TBCK: variants seen among roughly 807,000 people sequenced by gnomAD.
TBCK encodes the protein TBC domain-containing protein kinase-like protein.
Under a neutral mutation model 113.4 loss-of-function variants are expected in TBCK, and 99 were observed. The observed-to-expected ratio is 0.87, with a 90% CI of 0.74 to 1.03. The LOEUF is 1.03. TBCK is among the 50% of genes least tolerant of loss of function. The pLI is 0.00. For synonymous variants in TBCK, 369 were observed against 370.8 expected (o/e 1.00, Z 0.05); for missense variants, 1,045 against 1,061.3 (o/e 0.98, Z 0.21).
At chr4:106,253,843 C>T (rs748964015) in intron 5 of TBCK, among the ~76,000 whole-genome samples, 2 of 152,144 alleles carry the variant, frequency 1.3e-5, no homozygotes, top group Non-Finnish European at 1.5e-5. Flanking sequence ...GAAGGACTTA[C>T]AAGACTTAGC....
In TBCK at chr4:106,233,045, C is replaced by T. The variant is rs869320711; in HGVS notation, c.1532G>A (p.Arg511His). The T allele has an allele frequency of 6.2e-7, 1 of 1,610,944 alleles. No individual in the cohort carries two copies. The highest frequency in any genetic ancestry group is 1.1e-5 in the South Asian group (1 of 90,828). The change falls in exon 17 of 26, where the codon CGC becomes CAC. Residue 511 changes from arginine to histidine, a missense_variant. By Grantham distance (29) the Arg-to-His change is conservative. Coordinates refer to ENST00000394708, the MANE Select transcript of TBCK (RefSeq NM_001163435.3). The part of the protein sequence containing the change: ...TDRQIEVDIP[R>H]CHQYDELLSS... Reference sequence around the variant, plus strand: ...TAACAGTTCATCGTACTGATGACAGCGAGGAATATCCACTTCAATCTGTTA... The same window carrying T: ...TAACAGTTCATCGTACTGATGACAGTGAGGAATATCCACTTCAATCTGTTA...
intron 25 of TBCK, among the ~76,000 whole-genome samples, chr4:106,095,071 C>A (rs1740751400): frequency 6.6e-6 from 1 of 152,162 alleles, no homozygotes; most frequent in African/African-American, 2.4e-5. Flanking sequence ...AGTTGACATT[C>A]TCCCTGAATT....
chr4:106,279,033 T>C (rs187890361), intron 3 of TBCK, among the ~76,000 whole-genome samples: 35 of 152,290 alleles, frequency 2.3e-4, no homozygotes, highest in African/African-American at 8.4e-4. Context: ...TTTCTGCTCT[T>C]CAGATAATTC....
chr4:106,076,463 T>C (rs752263240), intron 25 of TBCK, among the ~76,000 whole-genome samples: 6 of 152,110 alleles, frequency 3.9e-5, no homozygotes, highest in Non-Finnish European at 8.8e-5. Context: ...CAAAATAATA[T>C]AGACACTATG....
chr4:106,189,678 C>G (rs1164871327), intron 22 of TBCK, among the ~76,000 whole-genome samples: 1 of 151,896 alleles, frequency 6.6e-6, no homozygotes, highest in Non-Finnish European at 1.5e-5. Context: ...ATATTAATAT[C>G]AATTATAGCA....
At chr4:106,054,448 A>G (rs1345407301) in intron 25 of TBCK, among the ~76,000 whole-genome samples, 1 of 151,632 alleles carries the variant, frequency 6.6e-6, no homozygotes, top group Non-Finnish European at 1.5e-5. Flanking sequence ...AGCTCCACTA[A>G]TCACTCTACA....
At position 106,086,266 on chromosome 4, in the gene TBCK, C is replaced by T. The variant is rs145446441; in HGVS notation, c.2571+9216G>A. Among the ~76,000 whole-genome samples the T allele has an allele frequency of 4.4e-3, 666 of 152,098 alleles. 7 individuals are homozygous for T. Among genetic ancestry groups the T allele is most frequent in the African/African-American group, 0.015 (635 of 41,502 alleles). On this transcript the variant is annotated intron_variant, in intron 25 of 25. Transcript: ENST00000394708. ...AAACAGGATATAACCATTGATGCCA[C>T]GGAAATACAAACTACCATCAGAGAA... is the stretch of plus-strand genomic sequence containing the variant.
Position 106,044,972 on chromosome 4 carries a change from A to G in TBCK, c.*1598T>C, listed in dbSNP as rs1734086556. The G allele has an allele frequency of 6.6e-6, 1 of 152,226 alleles. No homozygotes were observed. Among genetic ancestry groups the G allele is most frequent in the Admixed American group, 6.5e-5 (1 of 15,290 alleles). 9.4% of individuals were successfully genotyped at this position (152,226 alleles called of 1,614,324 possible). On this transcript the variant is annotated 3_prime_UTR_variant, in exon 26 of 26. Coordinates refer to ENST00000394708, the MANE Select transcript of TBCK (RefSeq NM_001163435.3). Reference sequence around the variant, plus strand: ...AATGAACACTTTTTAGTTAAAACAAAATTGAAGATAATTAAAGGATATGCT... The same window carrying G: ...AATGAACACTTTTTAGTTAAAACAAGATTGAAGATAATTAAAGGATATGCT...
At chr4:106,196,760 T>A (rs1344480183) in intron 20 of TBCK, among the ~76,000 whole-genome samples, 1 of 152,096 alleles carries the variant, frequency 6.6e-6, no homozygotes, top group East Asian at 1.9e-4. Context: ...AATTAAAAAA[T>A]AAAGTCAGCA....
At chr4:106,312,575 T>C (rs1768318519) in intron 1 of TBCK, among the ~76,000 whole-genome samples, 1 of 152,110 alleles carries the variant, frequency 6.6e-6, no homozygotes, top group East Asian at 1.9e-4. Flanking sequence ...ATCCCTAACT[T>C]ATGACTCAGA....
chr4:106,154,408 T>G (rs939135287), intron 23 of TBCK, among the ~76,000 whole-genome samples: 1 of 152,158 alleles, frequency 6.6e-6, no homozygotes, highest in Non-Finnish European at 1.5e-5. Flanking sequence ...CTTAAAGTAC[T>G]GTCAATGTCT....
chr4:106,204,372 G>A (rs1328227748), intron 20 of TBCK, among the ~76,000 whole-genome samples: 1 of 152,150 alleles, frequency 6.6e-6, no homozygotes, highest in Non-Finnish European at 1.5e-5. Context: ...CACAGGCCCT[G>A]GCGGTCCTTA....
chr4:106,112,489 A>G (rs935912356), intron 24 of TBCK, among the ~76,000 whole-genome samples: 5 of 152,072 alleles, frequency 3.3e-5, no homozygotes, highest in Non-Finnish European at 5.9e-5. Context: ...TAATTCCCTC[A>G]CTTGTTCTGG....
intron 24 of TBCK, among the ~76,000 whole-genome samples, chr4:106,115,597 T>C (rs1743387350): frequency 6.6e-6 from 1 of 152,154 alleles, no homozygotes; most frequent in Non-Finnish European, 1.5e-5. Context: ...ATCTAGATTC[T>C]AGAAAATACA....
At chr4:106,159,541 C>T (rs1273940384) in intron 23 of TBCK, among the ~76,000 whole-genome samples, 1 of 151,826 alleles carries the variant, frequency 6.6e-6, no homozygotes, top group Non-Finnish European at 1.5e-5. Context: ...ACAATAGCAT[C>T]AAAAGGAATA....
intron 8 of TBCK, among the ~76,000 whole-genome samples, chr4:106,248,712 C>G (rs186747941): frequency 6.6e-6 from 1 of 152,326 alleles, no homozygotes; most frequent in Admixed American, 6.5e-5. Flanking sequence ...TAGCAATTGC[C>G]TAGCTTGCCC....
In TBCK at chr4:106,171,287, T is replaced by TA. The variant is rs756199491; in HGVS notation, c.2060-18dup. Reference sequence around the variant, plus strand: ...TGTCAATTTCTAGATAGAAATGTTTTAAAAAAGCAAATGTATAGAATTTAG... The same window carrying TA: ...TGTCAATTTCTAGATAGAAATGTTTTAAAAAAAGCAAATGTATAGAATTTAG... On this transcript the variant is annotated splice_polypyrimidine_tract_variant and intron_variant, in intron 22 of 25. Transcript: ENST00000394708. 1 of 1,590,266 alleles carries TA rather than the reference T, an allele frequency of 6.3e-7. No individual in the cohort carries two copies. Among genetic ancestry groups the TA allele is most frequent in the Admixed American group, 1.8e-5 (1 of 55,350 alleles).
chr4:106,312,267 C>A (rs1768277866), intron 1 of TBCK, among the ~76,000 whole-genome samples: 1 of 152,012 alleles, frequency 6.6e-6, no homozygotes, highest in Admixed American at 6.5e-5. Flanking sequence ...TAAAGAAATA[C>A]CACAATTCAA....
intron 3 of TBCK, among the ~76,000 whole-genome samples, chr4:106,289,206 T>C (rs567235959): frequency 6.6e-6 from 1 of 152,344 alleles, no homozygotes; most frequent in Admixed American, 6.5e-5. Flanking sequence ...TATTTTTCTG[T>C]TCTCTTGGAT....
Sources: allele counts gnomAD v4.1 joint callset (sites outside exome capture counted in the v4.1 genomes callset), GRCh38; gene constraint gnomAD v4.1.1; transcripts MANE v1.5; gene names NCBI Gene and HGNC (gene_info 2026-07-23, HGNC 2026-07-21).